The following HGSNAT variants were observed in gnomAD, a reference collection of about 807,000 sequenced individuals.
HGSNAT encodes the protein transmembrane protein 76.
In HGSNAT, 59 loss-of-function variants were observed where a neutral mutation model predicts 85.2. That is an observed-to-expected ratio of 0.69 (90% CI 0.56 to 0.86). HGSNAT has a LOEUF of 0.86. HGSNAT is among the 40% of genes least tolerant of loss of function. The pLI is 0.00. For missense variants in HGSNAT, 756 were observed against 777.1 expected (o/e 0.97, Z 0.32); for synonymous variants, 321 against 304.5 (o/e 1.05, Z -0.56).
chr8:43,196,723 GCCT>G, intron 14 of HGSNAT: 1 of 584,484 alleles, frequency 1.7e-6, no homozygotes, highest in Non-Finnish European at 3.0e-6. Context: ...CCTCTCTGAT[GCCT>G]CCTCCTCCCC....
Position 43,201,164 on chromosome 8 carries a change from A to G in HGSNAT, c.*1595A>G, listed in dbSNP as rs1804905784. The G allele has an allele frequency of 6.6e-6, 1 of 152,290 alleles. No homozygotes were observed. Among genetic ancestry groups the G allele is most frequent in the South Asian group, 2.1e-4 (1 of 4,820 alleles). 9.4% of individuals were successfully genotyped at this position (152,290 alleles called of 1,614,324 possible). ...TCTGGACCCTTGTTATCATTTTCAA[A>G]CTGGCCTCCTTCCCTCGTTCCCCAC... On this transcript the variant is annotated 3_prime_UTR_variant, in exon 18 of 18. Transcript: ENST00000379644. This position sits in a 1 kb window ranked among gnomAD's most constrained non-coding sequence, Gnocchi z 4.4.
chr8:43,194,373 G>A, intron 14 of HGSNAT: 1 of 982,486 alleles, frequency 1.0e-6, no homozygotes, highest in Non-Finnish European at 1.2e-6. Context: ...ACTCCTGGCT[G>A]GGCAACAGAG....
At chr8:43,147,217 G>A (rs1056086889) in intron 2 of HGSNAT, among the ~76,000 whole-genome samples, 154 bp downstream of exon 2, 4 of 152,222 alleles carry the variant, frequency 2.6e-5, no homozygotes, top group Non-Finnish European at 5.9e-5. Context: ...AATACAGTCA[G>A]GGGAGGATGC....
chr8:43,143,191 A>C (rs1586693938), intron 1 of HGSNAT, among the ~76,000 whole-genome samples: 1 of 152,364 alleles, frequency 6.6e-6, no homozygotes, highest in East Asian at 1.9e-4. Context: ...AAGGTGGTTA[A>C]ATAAATAAAT....
In HGSNAT at chr8:43,146,923, TTTAACTTTTCC is replaced by T; in HGVS notation, c.119-23_119-13del. On this transcript the variant is annotated splice_polypyrimidine_tract_variant and intron_variant, in intron 1 of 17. Coordinates refer to ENST00000379644, the MANE Select transcript of HGSNAT (RefSeq NM_152419.3). ...CTTTCGGGTGCCTTTTTTTTTTTTT[TTTAACTTTTCC>T]TAATTTCTACCAGACTTAGACAAAA... 1 of 1,383,324 alleles carries T rather than the reference TTTAACTTTTCC, an allele frequency of 7.2e-7. No individual in the cohort carries two copies. The highest frequency in any genetic ancestry group is 1.3e-5 in the South Asian group (1 of 76,426). 85.7% of individuals were successfully genotyped at this position (1,383,324 alleles called of 1,614,324 possible). A position where few individuals can be genotyped will look rare whatever the true frequency, so the allele number is the denominator to read the frequency against.
chr8:43,158,792 A>G, intron 3 of HGSNAT, 81 bp downstream of exon 3: 1 of 1,516,238 alleles, frequency 6.6e-7, no homozygotes, highest in Non-Finnish European at 8.8e-7. Context: ...TTTTCTCTTT[A>G]CAGTATTTTT....
chr8:43,162,427 A>G (rs866319843), intron 5 of HGSNAT, among the ~76,000 whole-genome samples: 38 of 152,350 alleles, frequency 2.5e-4, no homozygotes, highest in Middle Eastern at 3.4e-3. Flanking sequence ...TTTTAGGGAT[A>G]GAGGAAGATT....
chr8:43,201,205 G>A lies in HGSNAT; in HGVS notation c.*1636G>A, dbSNP rs1303917157. Reference sequence around the variant, plus strand: ...CGTTCCCCACTTCTTAAAGTCACCTGTCCATTGCCACCAGATTAAGCTTTC... The same window carrying A: ...CGTTCCCCACTTCTTAAAGTCACCTATCCATTGCCACCAGATTAAGCTTTC... On this transcript the variant is annotated 3_prime_UTR_variant, in exon 18 of 18. Coordinates refer to ENST00000379644, the MANE Select transcript of HGSNAT (RefSeq NM_152419.3). This position sits in a 1 kb window ranked among gnomAD's most constrained non-coding sequence, Gnocchi z 4.4. 6.6e-6 allele frequency: 1 copy of A among 152,458 alleles called. No homozygotes were observed. Among genetic ancestry groups the A allele is most frequent in the East Asian group, 1.9e-4 (1 of 5,192 alleles). 9.4% of individuals were successfully genotyped at this position (152,458 alleles called of 1,614,324 possible). A position where few individuals can be genotyped will look rare whatever the true frequency, so the allele number is the denominator to read the frequency against.
intron 1 of HGSNAT, among the ~76,000 whole-genome samples, chr8:43,140,815 C>T (rs1802497492): frequency 6.6e-6 from 1 of 151,688 alleles, no homozygotes; most frequent in African/African-American, 2.4e-5. Context: ...CCGGGCCCCG[C>T]GGAGGCGGGG....
intron 2 of HGSNAT, among the ~76,000 whole-genome samples, chr8:43,149,980 G>A (rs922974123): frequency 2.0e-5 from 3 of 151,046 alleles, no homozygotes; most frequent in Admixed American, 1.3e-4. Context: ...ATTTTAAGAC[G>A]GAGTCTTGCT....
In HGSNAT at chr8:43,178,204, A is replaced by G. The variant is rs1803881830; in HGVS notation, c.982A>G (p.Ile328Val). The G allele has an allele frequency of 3.8e-6, 6 of 1,559,102 alleles. No homozygotes were observed. The highest frequency in any genetic ancestry group is 5.2e-6 in the Non-Finnish European group (6 of 1,156,930). The change falls in exon 10 of 18, where the codon ATT (isoleucine) becomes GTT (valine). Residue 328 changes from isoleucine (I) to valine (V), a missense_variant. Physicochemically the swap from Ile to Val is conservative, Grantham distance 29 (BLOSUM62 3). Transcript: ENST00000379644. Reference protein sequence around the residue: ...SFLLICIGIIIVNPNYCLGPL... With the variant: ...SFLLICIGIIVVNPNYCLGPL... Reference sequence around the variant, plus strand: ...CCTGTTAATCTGCATAGGAATTATCATTGTGAATCCCAATTATTGCCTTGG... The same window carrying G: ...CCTGTTAATCTGCATAGGAATTATCGTTGTGAATCCCAATTATTGCCTTGG...
chr8:43,173,662 G>C, intron 8 of HGSNAT, 51 bp from the exon 9 acceptor site: 1 of 1,589,004 alleles, frequency 6.3e-7, no homozygotes. Context: ...AGATTTAGGA[G>C]GTATTTGTAT....
At chr8:43,181,141 GA>G (rs1421939772) in intron 10 of HGSNAT, among the ~76,000 whole-genome samples, 1 of 146 alleles carries the variant, frequency 6.8e-3, no homozygotes, top group Non-Finnish European at 0.025. Context: ...GAGGGAGAGG[GA>G]GAGGGAGAGG....
At chr8:43,148,821 A>G (rs1802799261) in intron 2 of HGSNAT, among the ~76,000 whole-genome samples, 2 of 151,468 alleles carry the variant, frequency 1.3e-5, no homozygotes, top group Admixed American at 6.6e-5. Context: ...AGAAAGAATT[A>G]AAAAACAGGA....
At chr8:43,187,118 G>A (rs934207396) in intron 11 of HGSNAT, among the ~76,000 whole-genome samples, 2 of 152,204 alleles carry the variant, frequency 1.3e-5, no homozygotes, top group African/African-American at 4.8e-5. Flanking sequence ...TGTATATTCT[G>A]TTGATTTGAG....
At chr8:43,196,441 C>T (rs1241214033) in intron 14 of HGSNAT, 1 of 1,289,374 alleles carries the variant, frequency 7.8e-7, no homozygotes, top group Admixed American at 2.3e-5. Flanking sequence ...GCTGCCCAGA[C>T]TGGGTCACCA....
intron 1 of HGSNAT, among the ~76,000 whole-genome samples, chr8:43,146,348 G>A (rs989069098): frequency 3.9e-5 from 6 of 152,158 alleles, no homozygotes; most frequent in East Asian, 1.9e-4. Context: ...CCTGGGCCTC[G>A]CTAACCTGTC....
At chr8:43,192,011 C>G (rs1269539181) in intron 12 of HGSNAT, among the ~76,000 whole-genome samples, 1 of 152,134 alleles carries the variant, frequency 6.6e-6, no homozygotes, top group Non-Finnish European at 1.5e-5. Flanking sequence ...TCACTGCAAC[C>G]TGCGCCTCCC....
intron 17 of HGSNAT, among the ~76,000 whole-genome samples, chr8:43,198,428 C>G (rs970492168): frequency 6.6e-6 from 1 of 151,742 alleles, no homozygotes; most frequent in African/African-American, 2.4e-5. Context: ...GCTGGGACTA[C>G]AGGCGCCCGC....
Sources: gnomAD v4.1 joint callset for allele counts (sites outside exome capture counted in the v4.1 genomes callset) on GRCh38, gnomAD v4.1.1 for gene constraint, Gnocchi (gnomAD v3.1) non-coding constraint, MANE v1.5 for transcripts, NCBI Gene and HGNC (gene_info 2026-07-23, HGNC 2026-07-21) for gene names.